Variants in EPN2 observed in about 807,000 individuals in gnomAD.
The protein encoded by EPN2 is epsin 2, also known as epsin-2.
Under a neutral mutation model 61.7 loss-of-function variants are expected in EPN2, and 34 were observed. The ratio of observed to expected loss-of-function variants is 0.55; its 90% CI spans 0.42 to 0.73. The LOEUF (loss-of-function observed/expected upper bound fraction) is 0.73. Ranked by LOEUF, EPN2 falls within the 30% of genes least tolerant of loss-of-function variation. EPN2 has a pLI of 0.00. For synonymous variants in EPN2, 349 were observed against 353.6 expected (o/e 0.99, Z 0.15); for missense variants, 714 against 839.2 (o/e 0.85, Z 1.84).
intron 7 of EPN2, among the ~76,000 whole-genome samples, chr17:19,321,874 G>A (rs1445813484): frequency 6.6e-6 from 1 of 152,100 alleles, no homozygotes; most frequent in Non-Finnish European, 1.5e-5. Context: ...ACAGCTCTTC[G>A]GCTTGCAGTC....
At chr17:19,317,977 AAGG>A (rs1906466569) in intron 7 of EPN2, among the ~76,000 whole-genome samples, 1 of 152,168 alleles carries the variant, frequency 6.6e-6, no homozygotes, top group African/African-American at 2.4e-5. Flanking sequence ...CACAGCAAAG[AAGG>A]AGGTCACACT....
intron 4 of EPN2, among the ~76,000 whole-genome samples, chr17:19,291,755 A>C (rs906909138): frequency 5.3e-5 from 8 of 152,154 alleles, no homozygotes; most frequent in Non-Finnish European, 7.4e-5. Flanking sequence ...CTTAAACCCA[A>C]TGGGGACTTG....
chr17:19,306,684 C>T (rs1043998345), intron 4 of EPN2, among the ~76,000 whole-genome samples: 4 of 152,142 alleles, frequency 2.6e-5, no homozygotes, highest in Non-Finnish European at 4.4e-5. Flanking sequence ...TTCAGAGCCC[C>T]GTGCCCACTC....
intron 1 of EPN2, among the ~76,000 whole-genome samples, chr17:19,257,626 T>C (rs2045095277): frequency 6.6e-6 from 1 of 151,902 alleles, no homozygotes; most frequent in Non-Finnish European, 1.5e-5. Context: ...CAAGTGATTC[T>C]CCTGCCTCCA....
intron 1 of EPN2, among the ~76,000 whole-genome samples, chr17:19,241,738 C>G (rs2044886835): frequency 6.6e-6 from 1 of 152,022 alleles, no homozygotes; most frequent in Non-Finnish European, 1.5e-5. Context: ...TTTCAGCAGC[C>G]TTTTTTTAAA....
intron 7 of EPN2, among the ~76,000 whole-genome samples, chr17:19,325,942 T>C (rs1906847698): frequency 6.6e-6 from 1 of 152,204 alleles, no homozygotes; most frequent in South Asian, 2.1e-4. Flanking sequence ...CAAAAGAGTA[T>C]ACAAAAGTTT....
At chr17:19,284,401 G>A (rs1291593352) in intron 3 of EPN2, among the ~76,000 whole-genome samples, 2 of 152,204 alleles carry the variant, frequency 1.3e-5, no homozygotes, top group Non-Finnish European at 2.9e-5. Flanking sequence ...TGGTCTCTGT[G>A]AGTCACATTG....
At chr17:19,322,141 C>T (rs1465214586) in intron 7 of EPN2, among the ~76,000 whole-genome samples, 1 of 152,138 alleles carries the variant, frequency 6.6e-6, no homozygotes, top group Non-Finnish European at 1.5e-5. Flanking sequence ...AGTGAAGTGT[C>T]AGAAGAAGCT....
intron 1 of EPN2, among the ~76,000 whole-genome samples, chr17:19,255,606 C>T (rs2045068586): frequency 6.9e-6 from 1 of 144,810 alleles, no homozygotes; most frequent in Non-Finnish European, 1.5e-5. Context: ...TGGCCCCCAT[C>T]CCTTATGTTT....
chr17:19,295,870 C>T (rs2045515053), intron 4 of EPN2, among the ~76,000 whole-genome samples: 4 of 152,152 alleles, frequency 2.6e-5, no homozygotes, highest in East Asian at 1.9e-4. Context: ...GGTTCCCTGT[C>T]AGGCTTTAAT....
At chr17:19,319,673 G>A (rs536191037) in intron 7 of EPN2, among the ~76,000 whole-genome samples, 131 of 148,154 alleles carry the variant, frequency 8.8e-4, no homozygotes, top group Non-Finnish European at 3.9e-4. Context: ...TTTGAGAGAA[G>A]GTTTCCCTCT....
intron 4 of EPN2, among the ~76,000 whole-genome samples, chr17:19,293,559 T>A (rs1021169160): frequency 4.8e-5 from 4 of 83,878 alleles, no homozygotes; most frequent in South Asian, 3.5e-4. Context: ...TTTTTTTTTT[T>A]ACTTTCTGTA....
At chr17:19,273,613 C>T (rs1392038262) in intron 1 of EPN2, among the ~76,000 whole-genome samples, 1 of 152,156 alleles carries the variant, frequency 6.6e-6, no homozygotes, top group Non-Finnish European at 1.5e-5. Flanking sequence ...ATCCTCCTGC[C>T]TCAGCCTTCT....
At chr17:19,291,625 A>G (rs1016536827) in intron 4 of EPN2, among the ~76,000 whole-genome samples, 7 of 151,544 alleles carry the variant, frequency 4.6e-5, no homozygotes, top group African/African-American at 1.7e-4. Flanking sequence ...TGTTTTTTGT[A>G]GAGATGGGGT....
chr17:19,317,704 A>G (rs945872458), intron 7 of EPN2, among the ~76,000 whole-genome samples: 3 of 152,130 alleles, frequency 2.0e-5, no homozygotes, highest in Non-Finnish European at 2.9e-5. Context: ...TGAGCTTTCA[A>G]CAAGCATTTA....
intron 4 of EPN2, among the ~76,000 whole-genome samples, chr17:19,295,758 C>T (rs2045513650): frequency 6.6e-6 from 1 of 152,102 alleles, no homozygotes; most frequent in Admixed American, 6.5e-5. Flanking sequence ...CCCAAAATGT[C>T]CCAAATCCTG....
intron 8 of EPN2, 81 bp downstream of exon 8, chr17:19,328,968 C>A: frequency 8.2e-6 from 11 of 1,333,828 alleles, no homozygotes; most frequent in Non-Finnish European, 1.1e-5. Flanking sequence ...TCCTAGGCAT[C>A]AGCCCTGTTG....
At chr17:19,288,801 C>G (rs1233981552) in intron 4 of EPN2, among the ~76,000 whole-genome samples, 3 of 152,190 alleles carry the variant, frequency 2.0e-5, no homozygotes, top group Non-Finnish European at 2.9e-5. Flanking sequence ...TTGCTAGGAG[C>G]TTTTGAAACA....
intron 7 of EPN2, among the ~76,000 whole-genome samples, chr17:19,326,686 CAAAAAAAAA>C (rs36161060): frequency 2.6e-5 from 2 of 76,848 alleles, no homozygotes; most frequent in East Asian, 7.4e-4. Flanking sequence ...GACTCCGTCT[CAAAAAAAAA>C]AAAAAAAAAA....
Sources: gnomAD v4.1 joint callset for allele counts (sites outside exome capture counted in the v4.1 genomes callset) on GRCh38, gnomAD v4.1.1 for gene constraint, MANE v1.5 for transcripts, NCBI Gene and HGNC (gene_info 2026-07-23, HGNC 2026-07-21) for gene names.